Variants in ADAMTS2 observed in about 807,000 individuals in gnomAD.
ADAMTS2 encodes ADAM metallopeptidase with thrombospondin type 1 motif 2, also known as A disintegrin and metalloproteinase with thrombospondin motifs 2.
In ADAMTS2, 50 loss-of-function variants were observed where a neutral mutation model predicts 123.0. The ratio of observed to expected loss-of-function variants is 0.41; its 90% confidence interval spans 0.32 to 0.51. The LOEUF (loss-of-function observed/expected upper bound fraction) is 0.51, where lower values mean the gene tolerates loss of function less well. Ranked by LOEUF, ADAMTS2 falls within the 20% of genes least tolerant of loss-of-function variation. ADAMTS2 has a pLI of 0.35. For missense variants in ADAMTS2, 1,494 were observed against 1,705.2 expected (o/e 0.88, Z 2.18); for synonymous variants, 678 against 695.4 (o/e 0.98, Z 0.39).
chr5:179,261,114 C>T (rs1766209870), intron 3 of ADAMTS2, among the ~76,000 whole-genome samples: 2 of 152,074 alleles, frequency 1.3e-5, no homozygotes, highest in African/African-American at 2.4e-5. Flanking sequence ...AAGCTTGTAT[C>T]GAACATGACA....
At chr5:179,255,707 C>T (rs1766030702) in intron 3 of ADAMTS2, among the ~76,000 whole-genome samples, 1 of 152,190 alleles carries the variant, frequency 6.6e-6, no homozygotes, top group Non-Finnish European at 1.5e-5. Context: ...GGGCCCGCCT[C>T]ACCTCCATTC....
At position 179,220,719 on chromosome 5, in the gene ADAMTS2, C is replaced by T. The variant is rs556916566; in HGVS notation, c.689-13004G>A. Among the ~76,000 whole-genome samples, 6 of 152,318 alleles carry T rather than the reference C, an allele frequency of 3.9e-5. No individual in the cohort carries two copies. In the South Asian group the frequency reaches 1.2e-3, roughly 32 times the overall value. ...ACTCCAGCAGCATCTGCGCCTCCCC[C>T]ATCTCTGCACTCTTCAAATCCAAGT... On this transcript the variant is annotated intron_variant, in intron 3 of 21. Transcript: ENST00000251582.
rs530289334 is a variant in ADAMTS2 at position 179,314,240 on chromosome 5, C to T, written c.534+29527G>A. Reference sequence around the variant, plus strand: ...TCCCATCCTGCCCCTCCCACCGGGTCGGCCCTGTCCTTGTCTTGCTCAGCT... The same window carrying T: ...TCCCATCCTGCCCCTCCCACCGGGTTGGCCCTGTCCTTGTCTTGCTCAGCT... On this transcript the variant is annotated intron_variant, in intron 2 of 21. Transcript: ENST00000251582. The surrounding 1 kb of genome is among the most constrained non-coding windows in gnomAD (Gnocchi z 4.5). Among the ~76,000 whole-genome samples the T allele has an allele frequency of 5.3e-5, 8 of 152,290 alleles. No homozygotes were observed. The East Asian group carries it at 1.2e-3, about 22-fold the overall frequency.
Position 179,158,105 on chromosome 5 carries a change from C to T in ADAMTS2, c.1132+618G>A, listed in dbSNP as rs1763517064. Among the ~76,000 whole-genome samples the T allele has an allele frequency of 6.6e-6, 1 of 152,098 alleles. No homozygotes were observed. Among genetic ancestry groups the T allele is most frequent in the African/African-American group, 2.4e-5 (1 of 41,424 alleles). ...TCAGCCTCCCGGGTAGCTGGGACTACAGGCGCCCGCCACCATGCCCTGCTA... is the reference window on the plus strand; with the variant it reads ...TCAGCCTCCCGGGTAGCTGGGACTATAGGCGCCCGCCACCATGCCCTGCTA... On this transcript the variant is annotated intron_variant, in intron 6 of 21. Transcript: ENST00000251582. This position sits in a 1 kb window ranked among gnomAD's most constrained non-coding sequence, Gnocchi z 5.0.
intron 3 of ADAMTS2, among the ~76,000 whole-genome samples, chr5:179,233,403 G>A (rs909721348): frequency 2.0e-5 from 3 of 152,104 alleles, no homozygotes; most frequent in Non-Finnish European, 2.9e-5. Context: ...AAAACAGCCC[G>A]GGCATGGTGG....
chr5:179,158,772 A>G lies in ADAMTS2; in HGVS notation c.1083T>C (p.Asp361=), dbSNP rs150079799. The G allele has an allele frequency of 4.6e-4, 744 of 1,614,184 alleles. 2 individuals are homozygous for G. Among genetic ancestry groups the G allele is most frequent in the Admixed American group, 8.3e-4 (50 of 60,030 alleles). ...CCTGCCGTGTGAGGAAGATGGCGTG[A>G]TCGTGGTATTCATCGTGGCCCGTGT... The part of the protein sequence containing the change: ...KPDTGHDEYH[D]HAIFLTRQDF... Residue 361 remains aspartate (D), a synonymous_variant, in exon 6 of 22, where the codon GAT becomes GAC. Transcript: ENST00000251582. The surrounding 1 kb of genome is among the most constrained non-coding windows in gnomAD (Gnocchi z 5.0).
In ADAMTS2 at chr5:179,146,177, T is replaced by G. The variant is rs7722405; in HGVS notation, c.1629+5965A>C. ...GCCTGTACACTTTAAAAAGTGAATT[T>G]AAATATAGATCTCACCTTATTAAAG... On this transcript the variant is annotated intron_variant, in intron 10 of 21. Coordinates refer to ENST00000251582, the MANE Select transcript of ADAMTS2 (RefSeq NM_014244.5). Among the ~76,000 whole-genome samples the G allele has an allele frequency of 5.8e-3, 878 of 152,270 alleles. 9 individuals are homozygous for G. The highest frequency in any genetic ancestry group is 0.02 in the African/African-American group (837 of 41,546).
Position 179,303,591 on chromosome 5 carries a change from GA to G in ADAMTS2, c.535-30528del, listed in dbSNP as rs1355326901. On this transcript the variant is annotated intron_variant, in intron 2 of 21. Coordinates refer to ENST00000251582, the MANE Select transcript of ADAMTS2 (RefSeq NM_014244.5). The surrounding 1 kb of genome is among the most constrained non-coding windows in gnomAD (Gnocchi z 4.7). ...GCCCTGTTGTTGTAGCTCAAGGATA[GA>G]AAAAGCATTTCCGAATGCTCAGAGC... is the stretch of plus-strand genomic sequence containing the variant. 6.6e-6 allele frequency among the ~76,000 whole-genome samples: 1 copy of G among 152,210 alleles called. No individual in the cohort carries two copies. The highest frequency in any genetic ancestry group is 6.5e-5 in the Admixed American group (1 of 15,286).
intron 2 of ADAMTS2, among the ~76,000 whole-genome samples, chr5:179,276,383 C>T (rs780672459): frequency 2.0e-5 from 3 of 152,190 alleles, no homozygotes; most frequent in Non-Finnish European, 4.4e-5. Context: ...CAGGAATTAA[C>T]CCTGGGGGGC....
At chr5:179,341,934 C>T (rs553277025) in intron 2 of ADAMTS2, among the ~76,000 whole-genome samples, 4 of 152,268 alleles carry the variant, frequency 2.6e-5, no homozygotes, top group Middle Eastern at 3.4e-3. Flanking sequence ...TCCCTCTGCC[C>T]GGGTTGCCAA....
intron 3 of ADAMTS2, among the ~76,000 whole-genome samples, chr5:179,230,413 AT>A (rs1765382356): frequency 1.3e-5 from 2 of 152,046 alleles, no homozygotes; most frequent in Non-Finnish European, 1.5e-5. Flanking sequence ...GTGGTCACTT[AT>A]GCGCTCCAGG....
At chr5:179,148,911 T>C (rs1415723584) in intron 10 of ADAMTS2, among the ~76,000 whole-genome samples, 9 of 151,980 alleles carry the variant, frequency 5.9e-5, no homozygotes, top group Non-Finnish European at 8.8e-5. Context: ...AGGAACTGGC[T>C]GGGGCCAGGC....
intron 5 of ADAMTS2, among the ~76,000 whole-genome samples, chr5:179,173,486 C>T (rs905870667): frequency 6.6e-6 from 1 of 152,116 alleles, no homozygotes; most frequent in Admixed American, 6.5e-5. Flanking sequence ...AAACATGTTT[C>T]GAAAATGCAA....
intron 10 of ADAMTS2, among the ~76,000 whole-genome samples, chr5:179,146,823 CCTTT>C (rs1192726766): frequency 1.3e-5 from 2 of 151,956 alleles, no homozygotes; most frequent in Admixed American, 6.6e-5. Flanking sequence ...AATTTTCTTT[CCTTT>C]CTAATAAATA....
chr5:179,208,379 G>GC (rs1283642812), intron 3 of ADAMTS2, among the ~76,000 whole-genome samples: 1 of 151,986 alleles, frequency 6.6e-6, no homozygotes, highest in Non-Finnish European at 1.5e-5. Context: ...CAGGTCCCGG[G>GC]CCCCCTCCCC....
chr5:179,126,403 TTGCTAC>T (rs1762859712), intron 17 of ADAMTS2, among the ~76,000 whole-genome samples: 1 of 152,204 alleles, frequency 6.6e-6, no homozygotes. Context: ...CCCTATTTCC[TTGCTAC>T]TGCTAGGCAC....
intron 10 of ADAMTS2, among the ~76,000 whole-genome samples, chr5:179,147,668 C>G (rs1220711628): frequency 6.6e-6 from 1 of 152,130 alleles, no homozygotes; most frequent in African/African-American, 2.4e-5. Context: ...TACTATTACA[C>G]CTGGACAGAC....
chr5:179,241,968 TC>T (rs1170639398), intron 3 of ADAMTS2, among the ~76,000 whole-genome samples: 1 of 152,160 alleles, frequency 6.6e-6, no homozygotes, highest in African/African-American at 2.4e-5. Flanking sequence ...CCCATGCTAC[TC>T]CCCAGTGGCT....
At position 179,314,761 on chromosome 5, in the gene ADAMTS2, A is replaced by G. The variant is rs886586291; in HGVS notation, c.534+29006T>C. ...CCAGGTGGGGCTCCTGTCCCCCGCC[A>G]GTGCCCCCAACCTCTACTCCAGCAG... On this transcript the variant is annotated intron_variant, in intron 2 of 21. Transcript: ENST00000251582. The surrounding 1 kb of genome is among the most constrained non-coding windows in gnomAD (Gnocchi z 4.5). 5.9e-5 allele frequency among the ~76,000 whole-genome samples: 9 copies of G among 152,066 alleles called. No individual in the cohort carries two copies. The highest frequency in any genetic ancestry group is 2.0e-4 in the Admixed American group (3 of 15,272).
Sources: allele counts gnomAD v4.1 joint callset (sites outside exome capture counted in the v4.1 genomes callset), GRCh38; gene constraint gnomAD v4.1.1; non-coding constraint Gnocchi (gnomAD v3.1); transcripts MANE v1.5; gene names NCBI Gene and HGNC (gene_info 2026-07-23, HGNC 2026-07-21).